Variants in GTF2A1L observed in about 807,000 individuals in gnomAD.
The protein encoded by GTF2A1L is TFIIA-alpha and beta-like factor.
A neutral mutation model predicts 49.7 loss-of-function variants in GTF2A1L; 48 were observed. That is an observed-to-expected ratio of 0.97 (90% CI 0.77 to 1.23). The LOEUF is 1.23. GTF2A1L is among the 50% of genes most tolerant of loss of function. The pLI, the probability that GTF2A1L is intolerant of heterozygous loss-of-function variation, is 0.00. For missense variants in GTF2A1L, 736 were observed against 564.8 expected (o/e 1.30, Z -3.07); for synonymous variants, 246 against 193.5 (o/e 1.27, Z -2.25).
chr2:48,648,978 A>G (rs1034585749), intron 6 of GTF2A1L, among the ~76,000 whole-genome samples: 1 of 152,134 alleles, frequency 6.6e-6, no homozygotes, highest in Non-Finnish European at 1.5e-5. Flanking sequence ...ATAATCAACT[A>G]TACTTGTTTA....
At position 48,653,050 on chromosome 2, in the gene GTF2A1L, A is replaced by G. The variant is rs544898530; in HGVS notation, c.978+6008A>G. Reference sequence around the variant, plus strand: ...CAAGATCATTCTGGCTAACATGGTGAAACCCCATCTCTACTAAAAATACAA... The same window carrying G: ...CAAGATCATTCTGGCTAACATGGTGGAACCCCATCTCTACTAAAAATACAA... On this transcript the variant is annotated intron_variant, in intron 6 of 8. Coordinates refer to ENST00000403751, the MANE Select transcript of GTF2A1L (RefSeq NM_006872.5). 1.8e-4 allele frequency among the ~76,000 whole-genome samples: 27 copies of G among 151,852 alleles called. No individual in the cohort carries two copies. The East Asian group carries it at 5.1e-3, about 29-fold the overall frequency.
chr2:48,648,738 C>G (rs1677677327), intron 6 of GTF2A1L, among the ~76,000 whole-genome samples: 3 of 152,048 alleles, frequency 2.0e-5, no homozygotes, highest in Admixed American at 2.0e-4. Context: ...CTATTATGCT[C>G]TATGAGCTTG....
At chr2:48,644,707 C>T (rs1677394830) in intron 4 of GTF2A1L, among the ~76,000 whole-genome samples, 1 of 152,116 alleles carries the variant, frequency 6.6e-6, no homozygotes, top group African/African-American at 2.4e-5. Context: ...TGGATGTTAT[C>T]AGTCTTTCAA....
At chr2:48,621,027 T>G in intron 2 of GTF2A1L, 75 bp downstream of exon 2, 2 of 1,525,282 alleles carry the variant, frequency 1.3e-6, no homozygotes, top group East Asian at 4.6e-5. Context: ...ATAGTTCTGA[T>G]CTCTCAAATT....
At chr2:48,644,306 T>C (rs986134378) in intron 4 of GTF2A1L, among the ~76,000 whole-genome samples, 1 of 152,242 alleles carries the variant, frequency 6.6e-6, no homozygotes, top group Non-Finnish European at 1.5e-5. Context: ...GTTTTTAGGA[T>C]AAAAAGTAGG....
At chr2:48,645,938 G>A (rs1364929530) in intron 5 of GTF2A1L, among the ~76,000 whole-genome samples, 3 of 149,492 alleles carry the variant, frequency 2.0e-5, no homozygotes, top group South Asian at 2.1e-4. Flanking sequence ...ATGAGCCACC[G>A]CGCCTGGCCT....
chr2:48,669,873 A>G lies in GTF2A1L; in HGVS notation c.1130A>G (p.Asp377Gly). Residue 377 changes from aspartate (D) to glycine (G), a missense_variant, in exon 7 of 9, where the codon GAC becomes GGC. Coordinates refer to ENST00000403751, the MANE Select transcript of GTF2A1L (RefSeq NM_006872.5). ...GAGAATGAATTTCTAGGGAATATTG[A>G]CGGGGGAGATCTGAAGGTACCTGAA... ...ADENEFLGNI[D>G]GGDLKVPEEE... 6.2e-7 allele frequency: 1 copy of G among 1,614,052 alleles called. No homozygotes were observed. The highest frequency in any genetic ancestry group is 8.5e-7 in the Non-Finnish European group (1 of 1,180,000).
Position 48,646,836 on chromosome 2 carries a change from T to A in GTF2A1L, c.772T>A (p.Ser258Thr). The A allele has an allele frequency of 2.5e-6, 4 of 1,613,994 alleles. No homozygotes were observed. The highest frequency in any genetic ancestry group is 3.4e-6 in the Non-Finnish European group (4 of 1,179,950). The change falls in exon 6 of 9, where the codon TCT (serine) becomes ACT (threonine). Residue 258 changes from serine to threonine, a missense_variant. By Grantham distance (58) the Ser-to-Thr change is moderately conservative (BLOSUM62 1). Transcript: ENST00000403751. ...TTCTCCACAGGTCTCTCAAACAAAT[T>A]CTAATGTGGAGTCAGTGCTCAGTGG... ...VFSPQVSQTN[S>T]NVESVLSGSA...
At chr2:48,658,798 T>C (rs774112428) in intron 6 of GTF2A1L, among the ~76,000 whole-genome samples, 2 of 152,114 alleles carry the variant, frequency 1.3e-5, no homozygotes, top group Non-Finnish European at 2.9e-5. Flanking sequence ...TAATAGTCTC[T>C]GAGGATCTTT....
intron 3 of GTF2A1L, among the ~76,000 whole-genome samples, chr2:48,621,550 G>T (rs553679871): frequency 2.6e-4 from 39 of 152,298 alleles, no homozygotes; most frequent in Non-Finnish European, 7.4e-5. Context: ...AAGTCACATA[G>T]TTTGTCAGCT....
intron 6 of GTF2A1L, among the ~76,000 whole-genome samples, chr2:48,663,804 T>A (rs1299560555): frequency 6.6e-6 from 1 of 152,070 alleles, no homozygotes; most frequent in Non-Finnish European, 1.5e-5. Flanking sequence ...CATACCTGGC[T>A]AATTTTTAGT....
At chr2:48,618,214 A>T (rs1348438683) in intron 1 of GTF2A1L, 3 of 333,588 alleles carry the variant, frequency 9.0e-6, no homozygotes, top group Admixed American at 9.0e-5. Flanking sequence ...GATACTAGAA[A>T]ACCTCCAAGT....
intron 4 of GTF2A1L, among the ~76,000 whole-genome samples, chr2:48,643,398 C>T (rs1677311983): frequency 6.6e-6 from 1 of 152,080 alleles, no homozygotes; most frequent in African/African-American, 2.4e-5. Flanking sequence ...CATAGGTTGC[C>T]TTTGTAGGGC....
intron 3 of GTF2A1L, among the ~76,000 whole-genome samples, chr2:48,637,926 C>G (rs1194150340): frequency 6.6e-6 from 1 of 152,024 alleles, no homozygotes; most frequent in Non-Finnish European, 1.5e-5. Context: ...ATAAAAATAA[C>G]CATCAGAAAC....
chr2:48,672,290 A>G (rs1373902337), intron 8 of GTF2A1L, among the ~76,000 whole-genome samples: 13 of 152,356 alleles, frequency 8.5e-5, no homozygotes, highest in Non-Finnish European at 2.9e-5. Context: ...TCTGGCTTGA[A>G]CAAAGTGTCT....
rs138908770 is a variant in GTF2A1L, at chr2:48,664,078, A to G, written c.979-5644A>G. ...TTTGGGGTTGCTTTATGTAGACTAT[A>G]ATCTATTTTGATGAATAAAAAAAAA... is the stretch of plus-strand genomic sequence containing the variant. On this transcript the variant is annotated intron_variant, in intron 6 of 8. Coordinates refer to ENST00000403751, the MANE Select transcript of GTF2A1L (RefSeq NM_006872.5). 2.0e-3 allele frequency among the ~76,000 whole-genome samples: 309 copies of G among 152,232 alleles called. No individual in the cohort carries two copies. The Middle Eastern group carries it at 0.02, about 10-fold the overall frequency.
At chr2:48,618,170 G>C in intron 1 of GTF2A1L, 1 of 445,728 alleles carries the variant, frequency 2.2e-6, no homozygotes, top group African/African-American at 2.0e-5. Flanking sequence ...GGTGTTTAGA[G>C]GTGGAACTGA....
rs181937766 is a variant in GTF2A1L at position 48,658,847 on chromosome 2, T to G, written c.979-10875T>G. 3.5e-3 allele frequency among the ~76,000 whole-genome samples: 458 copies of G among 129,188 alleles called. 2 individuals carry two copies. Among genetic ancestry groups the G allele is most frequent in the African/African-American group, 0.014 (434 of 31,134 alleles). 84.8% of individuals were successfully genotyped at this position (129,188 alleles called of 152,430 possible). A position where few individuals can be genotyped will look rare whatever the true frequency, so the allele number is the denominator to read the frequency against. On this transcript the variant is annotated intron_variant, in intron 6 of 8. Coordinates refer to ENST00000403751, the MANE Select transcript of GTF2A1L (RefSeq NM_006872.5). ...GATTGGTTGTAATGTCACCTTTGTC[T>G]TTTTTATTGTGCTTATTTGGATCTT...
At chr2:48,646,028 T>G (rs1677484239) in intron 5 of GTF2A1L, among the ~76,000 whole-genome samples, 1 of 152,038 alleles carries the variant, frequency 6.6e-6, no homozygotes, top group African/African-American at 2.4e-5. Context: ...CATTAAACTC[T>G]CTTTTGGATA....
Sources: allele counts gnomAD v4.1 joint callset (sites outside exome capture counted in the v4.1 genomes callset), GRCh38; gene constraint gnomAD v4.1.1; transcripts MANE v1.5; gene names NCBI Gene and HGNC (gene_info 2026-07-23, HGNC 2026-07-21).